Variants in MCTP2 observed in about 807,000 individuals in gnomAD.
MCTP2 encodes multiple C2 and transmembrane domain containing 2, also known as multiple C2 and transmembrane domain-containing protein 2.
In MCTP2, 132 loss-of-function variants were observed where a neutral mutation model predicts 111.6. The observed-to-expected ratio is 1.18, with a 90% CI of 1.03 to 1.37. The LOEUF (loss-of-function observed/expected upper bound fraction) is 1.37. Among genes scored for constraint, MCTP2 ranks in the 40% most tolerant of loss-of-function variants. The pLI, the probability that MCTP2 is intolerant of heterozygous loss-of-function variation, is 0.00. For missense variants in MCTP2, 1,183 were observed against 1,067.9 expected (o/e 1.11, Z -1.50); for synonymous variants, 395 against 387.7 (o/e 1.02, Z -0.22).
At chr15:94,464,859 G>C (rs1489580537) in intron 20 of MCTP2, among the ~76,000 whole-genome samples, 1 of 151,878 alleles carries the variant, frequency 6.6e-6, no homozygotes, top group Admixed American at 6.6e-5. Flanking sequence ...TTGCTTTATG[G>C]TTAGAAAATA....
At chr15:94,341,420 T>C (rs1451796452) in intron 7 of MCTP2, 1 of 152,896 alleles carries the variant, frequency 6.5e-6, no homozygotes, top group East Asian at 1.9e-4. Flanking sequence ...GATTATATTT[T>C]ATAATTCTAA....
At chr15:94,377,174 C>T (rs1401754256) in intron 12 of MCTP2, among the ~76,000 whole-genome samples, 1 of 152,110 alleles carries the variant, frequency 6.6e-6, no homozygotes, top group African/African-American at 2.4e-5. Flanking sequence ...CAACCACATG[C>T]CCATATTATG....
At chr15:94,327,673 CTT>C (rs2076942541) in intron 4 of MCTP2, among the ~76,000 whole-genome samples, 1 of 152,214 alleles carries the variant, frequency 6.6e-6, no homozygotes, top group Admixed American at 6.5e-5. Flanking sequence ...TTCCTTCACT[CTT>C]TGAGTTTTGG....
intron 7 of MCTP2, among the ~76,000 whole-genome samples, chr15:94,344,877 T>G (rs891775075): frequency 1.3e-5 from 2 of 152,216 alleles, no homozygotes; most frequent in African/African-American, 2.4e-5. Flanking sequence ...GATTGAACAG[T>G]ATTTTTATGT....
At chr15:94,465,779 C>T (rs2073225329) in intron 20 of MCTP2, among the ~76,000 whole-genome samples, 1 of 143,384 alleles carries the variant, frequency 7.0e-6, no homozygotes, top group African/African-American at 2.5e-5. Flanking sequence ...CTTTTTATTT[C>T]TTCTGTATCT....
intron 3 of MCTP2, 42 bp downstream of exon 3, chr15:94,314,386 T>C (rs759181480): frequency 7.3e-7 from 1 of 1,371,230 alleles, no homozygotes; most frequent in South Asian, 1.3e-5. Context: ...ATGTTGTAGA[T>C]ATTTCTCATC....
chr15:94,245,329 CAT>C (rs1237901198), intron 1 of MCTP2, among the ~76,000 whole-genome samples: 1 of 137,920 alleles, frequency 7.3e-6, no homozygotes, highest in Admixed American at 7.5e-5. Flanking sequence ...TATTTACATA[CAT>C]ATGTGTAGAT....
intron 1 of MCTP2, among the ~76,000 whole-genome samples, chr15:94,258,432 T>C (rs565128777): frequency 1.3e-5 from 2 of 152,320 alleles, no homozygotes; most frequent in African/African-American, 4.8e-5. Context: ...CTGTGTCTAC[T>C]TCTGAAAATG....
At chr15:94,351,674 G>C (rs991848861) in intron 8 of MCTP2, among the ~76,000 whole-genome samples, 1 of 152,180 alleles carries the variant, frequency 6.6e-6, no homozygotes, top group African/African-American at 2.4e-5. Flanking sequence ...GCACCTGGCA[G>C]GTATGCTCTG....
At chr15:94,314,438 A>T in intron 3 of MCTP2, 94 bp downstream of exon 3, 2 of 528,744 alleles carry the variant, frequency 3.8e-6, no homozygotes, top group South Asian at 3.3e-5. Context: ...TTTATTGCTA[A>T]AAAAAAAAAA....
At chr15:94,250,963 A>G (rs1408167222) in intron 1 of MCTP2, among the ~76,000 whole-genome samples, 1 of 152,246 alleles carries the variant, frequency 6.6e-6, no homozygotes, top group African/African-American at 2.4e-5. Context: ...CAATACATTG[A>G]TATCTATACT....
intron 1 of MCTP2, among the ~76,000 whole-genome samples, chr15:94,242,644 G>A (rs1396757444): frequency 6.6e-6 from 1 of 151,966 alleles, no homozygotes; most frequent in African/African-American, 2.4e-5. Context: ...TACCCAACTT[G>A]AGGCTGTTAT....
rs766928263 is a variant in MCTP2 at position 94,298,750 on chromosome 15, CTCTT to C, written c.465+22_465+25del. The C allele has an allele frequency of 4.7e-6, 7 of 1,503,062 alleles. No individual in the cohort carries two copies. The African/African-American group carries it at 1.0e-4, about 21-fold the overall frequency. The allele number at this position is 1,503,062 out of a possible 1,614,324, so 93.1% of individuals were successfully genotyped here. A position where few individuals can be genotyped will look rare whatever the true frequency, so the allele number is the denominator to read the frequency against. On this transcript the variant is annotated intron_variant, in intron 2 of 22. Coordinates refer to ENST00000357742, the MANE Select transcript of MCTP2 (RefSeq NM_001385001.1). ...CCAGAGGTGAGAATAGGGCTGGGCT[CTCTT>C]TTTTTTTGTCTCTCTCTCTCTCTCT...
At chr15:94,232,891 G>C (rs989331777) in intron 1 of MCTP2, among the ~76,000 whole-genome samples, 1 of 152,182 alleles carries the variant, frequency 6.6e-6, no homozygotes, top group Admixed American at 6.5e-5. Flanking sequence ...TCTGTGCCAA[G>C]CACCATGCTA....
intron 1 of MCTP2, among the ~76,000 whole-genome samples, chr15:94,263,051 C>G (rs1222887155): frequency 6.6e-6 from 1 of 152,090 alleles, no homozygotes; most frequent in East Asian, 1.9e-4. Context: ...GATCACTGCT[C>G]TGGTGGTATA....
At chr15:94,256,481 A>C (rs963062981) in intron 1 of MCTP2, among the ~76,000 whole-genome samples, 9 of 152,170 alleles carry the variant, frequency 5.9e-5, no homozygotes, top group Non-Finnish European at 1.2e-4. Flanking sequence ...CTTTGTCCTT[A>C]AGCTGTTCTC....
chr15:94,454,845 G>T (rs2084707230), intron 19 of MCTP2, among the ~76,000 whole-genome samples: 1 of 152,014 alleles, frequency 6.6e-6, no homozygotes, highest in South Asian at 2.1e-4. Context: ...TTATTAGGTG[G>T]AGTCTCGCTC....
At chr15:94,383,793 C>T (rs953457481) in intron 12 of MCTP2, among the ~76,000 whole-genome samples, 4 of 152,112 alleles carry the variant, frequency 2.6e-5, no homozygotes, top group African/African-American at 7.2e-5. Context: ...ACAACCAGAC[C>T]GTATCAGGCG....
At chr15:94,421,443 G>A (rs1410307438) in intron 17 of MCTP2, among the ~76,000 whole-genome samples, 2 of 152,176 alleles carry the variant, frequency 1.3e-5, no homozygotes, top group Non-Finnish European at 2.9e-5. Context: ...TTATCTTACA[G>A]TGCTGGAGGT....
Sources: gnomAD v4.1 joint callset for allele counts (sites outside exome capture counted in the v4.1 genomes callset) on GRCh38, gnomAD v4.1.1 for gene constraint, MANE v1.5 for transcripts, NCBI Gene and HGNC (gene_info 2026-07-23, HGNC 2026-07-21) for gene names.